Variants in NOX1 observed in about 807,000 individuals in gnomAD.
NOX1 encodes NADH/NADPH mitogenic oxidase subunit P65-MOX.
In NOX1, 34 loss-of-function variants were observed where a neutral mutation model predicts 42.5. That is an observed-to-expected ratio of 0.80 (90% CI 0.61 to 1.07). The LOEUF (loss-of-function observed/expected upper bound fraction) is 1.07, where lower values mean the gene tolerates loss of function less well. Ranked by LOEUF, NOX1 falls within the 50% of genes least tolerant of loss-of-function variation. The pLI is 0.00. For missense variants in NOX1, 408 were observed against 427.0 expected, an observed-to-expected ratio of 0.96 and a Z score of 0.39; for synonymous variants, 143 against 152.5, an observed-to-expected ratio of 0.94 and a Z score of 0.46.
At position 100,849,732 on chromosome X, in the gene NOX1, C is replaced by T; in HGVS notation, c.1296+40G>A. 1.2e-5 allele frequency: 14 copies of T among 1,156,373 alleles called. 1 individual carries two copies. The South Asian group carries it at 2.2e-4, about 18-fold the overall frequency. ...TAGCCCAAGAAGGCAATAGACTTGT[C>T]AGACTCAGGCCAGAAGAAAAGTGAT... On this transcript the variant is annotated intron_variant, in intron 10 of 12. Transcript: ENST00000372966.
chrX:100,853,238 TTTCTTTCCTTCCTTCC>T (rs1448120226), intron 7 of NOX1, among the ~76,000 whole-genome samples: 1 of 65,190 alleles, frequency 1.5e-5, no homozygotes, highest in Non-Finnish European at 2.7e-5. Flanking sequence ...TTTCTTTTTC[TTTCTTTCCTTCCTTCC>T]TTCCTTCCTT....
chrX:100,856,802 A>T (rs2085170729), intron 7 of NOX1, among the ~76,000 whole-genome samples: 1 of 111,226 alleles, frequency 9.0e-6, no homozygotes, highest in African/African-American at 3.3e-5. Context: ...CGAACTCTTG[A>T]GCTCAAGCAA....
chrX:100,873,542 T>C (rs981776130), intron 1 of NOX1, among the ~76,000 whole-genome samples: 1 of 112,415 alleles, frequency 8.9e-6, no homozygotes, highest in Non-Finnish European at 1.9e-5. Context: ...AATTAGCTTC[T>C]TAATATTTTC....
chrX:100,850,341 G>A lies in NOX1; in HGVS notation c.943C>T (p.Arg315Cys), dbSNP rs768290899. Residue 315 changes from arginine (R) to cysteine (C), a missense_variant, in exon 9 of 13, where the codon CGT becomes TGT. Arg to Cys is a radical substitution (Grantham distance 180). Coordinates refer to ENST00000372966, the MANE Select transcript of NOX1 (RefSeq NM_007052.5). ...SKVLELQMNK[R>C]GFSMEVGQYI... is the part of the protein sequence containing the mutation. ...TGCCCCACTTCCATGCTGAAGCCACGCTTGTTCATCTGCAATTCCAAAACT... is the reference window on the plus strand; with the variant it reads ...TGCCCCACTTCCATGCTGAAGCCACACTTGTTCATCTGCAATTCCAAAACT... 5.5e-5 allele frequency: 66 copies of A among 1,201,980 alleles called. No homozygotes were observed. In the South Asian group the frequency reaches 7.6e-4, roughly 14 times the overall value.
intron 1 of NOX1, among the ~76,000 whole-genome samples, chrX:100,871,295 G>A (rs2085273262): frequency 8.9e-6 from 1 of 112,001 alleles, no homozygotes; most frequent in Non-Finnish European, 1.9e-5. Flanking sequence ...AGACCATATG[G>A]CTTGCAAAGC....
chrX:100,858,863 C>T (rs1362012687), intron 7 of NOX1, among the ~76,000 whole-genome samples: 1 of 111,218 alleles, frequency 9.0e-6, no homozygotes, highest in Non-Finnish European at 1.9e-5. Context: ...GGTATAGAAT[C>T]ATATTGTCTG....
In NOX1 at chrX:100,863,434, G is replaced by T. The variant is rs2085219138; in HGVS notation, c.252+51C>A. ...GTTGGACTGTCCTACTGAGGAGTCT[G>T]GGGTCTCCTTCTTTAATGTGAAAGT... On this transcript the variant is annotated intron_variant, in intron 3 of 12. Coordinates refer to ENST00000372966, the MANE Select transcript of NOX1 (RefSeq NM_007052.5). 5 of 1,143,016 alleles carry T rather than the reference G, an allele frequency of 4.4e-6. No homozygotes were observed. In the East Asian group the frequency reaches 1.5e-4, roughly 34 times the overall value. 94.2% of individuals were successfully genotyped at this position (1,143,016 alleles called of 1,213,427 possible). A position where few individuals can be genotyped will look rare whatever the true frequency, so the allele number is the denominator to read the frequency against.
intron 7 of NOX1, 54 bp downstream of exon 7, chrX:100,862,117 T>C: frequency 1.8e-6 from 2 of 1,140,901 alleles, no homozygotes; most frequent in Non-Finnish European, 2.4e-6. Context: ...ATAATAAGAA[T>C]AATAACAGTA....
intron 3 of NOX1, 73 bp downstream of exon 3, chrX:100,863,412 G>T: frequency 9.2e-7 from 1 of 1,084,243 alleles, no homozygotes; most frequent in Non-Finnish European, 1.3e-6. Flanking sequence ...GCATGGTGTT[G>T]GACTGTCCTA....
At chrX:100,848,564 T>G in intron 12 of NOX1, 66 bp downstream of exon 12, 1 of 1,096,334 alleles carries the variant, frequency 9.1e-7, no homozygotes, top group Non-Finnish European at 1.2e-6. Flanking sequence ...AGTGCTGAGA[T>G]TACAGGCAGT....
At chrX:100,852,831 T>C (rs1208497558) in intron 7 of NOX1, among the ~76,000 whole-genome samples, 1 of 112,514 alleles carries the variant, frequency 8.9e-6, no homozygotes, top group Non-Finnish European at 1.9e-5. Flanking sequence ...GAAAAAAATA[T>C]TGGCCTCAGA....
chrX:100,864,932 TAAG>T (rs2085228262), intron 2 of NOX1, among the ~76,000 whole-genome samples: 2 of 112,473 alleles, frequency 1.8e-5, no homozygotes, highest in Non-Finnish European at 3.8e-5. Flanking sequence ...GGGTATGGGT[TAAG>T]GTTAACAATT....
intron 1 of NOX1, among the ~76,000 whole-genome samples, chrX:100,872,485 A>G (rs2085281233): frequency 8.9e-6 from 1 of 111,752 alleles, no homozygotes; most frequent in Non-Finnish European, 1.9e-5. Flanking sequence ...GAATAAAACT[A>G]TTTTTAAGTA....
chrX:100,856,596 G>A (rs989200540), intron 7 of NOX1, among the ~76,000 whole-genome samples: 2 of 108,929 alleles, frequency 1.8e-5, no homozygotes, highest in African/African-American at 6.7e-5. Flanking sequence ...TTTTTGAGAT[G>A]GGGTCTTTCT....
intron 7 of NOX1, among the ~76,000 whole-genome samples, chrX:100,860,128 G>C (rs2085194287): frequency 1.8e-5 from 2 of 111,026 alleles, no homozygotes; most frequent in African/African-American, 3.3e-5. Context: ...TAACATCTTA[G>C]AGACTGGTCC....
chrX:100,870,323 T>C (rs1038817223), intron 2 of NOX1, among the ~76,000 whole-genome samples: 3 of 109,705 alleles, frequency 2.7e-5, no homozygotes, highest in Non-Finnish European at 5.7e-5. Context: ...CTTCCCCTCA[T>C]ACCCTGTAGG....
intron 1 of NOX1, among the ~76,000 whole-genome samples, chrX:100,873,337 T>C (rs1186762938): frequency 9.0e-6 from 1 of 111,352 alleles, no homozygotes; most frequent in Non-Finnish European, 1.9e-5. Flanking sequence ...ATTCAGTCAA[T>C]TCATTGTGTG....
intron 7 of NOX1, among the ~76,000 whole-genome samples, chrX:100,853,434 T>TCTTCC (rs1569445834): frequency 2.9e-5 from 3 of 101,783 alleles, no homozygotes; most frequent in Non-Finnish European, 4.0e-5. Flanking sequence ...TTTTTTTTTT[T>TCTTCC]TGACAGAGTC....
intron 7 of NOX1, among the ~76,000 whole-genome samples, chrX:100,853,272 TTCTTTCTTTC>T: frequency 1.8e-5 from 1 of 56,769 alleles, no homozygotes; most frequent in South Asian, 8.0e-4. Flanking sequence ...CTTTCTTTCT[TTCTTTCTTTC>T]TTTCTTTCTT....
Sources: allele counts gnomAD v4.1 joint callset (sites outside exome capture counted in the v4.1 genomes callset), GRCh38; gene constraint gnomAD v4.1.1; transcripts MANE v1.5; gene names NCBI Gene and HGNC (gene_info 2026-07-23, HGNC 2026-07-21).